Variants in QTGAL observed in about 807,000 individuals in gnomAD.
QTGAL encodes the protein BGnT-like protein 1.
chr17:83,045,838 G>A, the QTGAL span, among the ~76,000 whole-genome samples: 6,216 of 145,026 alleles, frequency 0.043, 350 homozygotes, highest in African/African-American at 0.12. Flanking sequence ...TTTTTGAGAC[G>A]GAGTTTTGCT....
the QTGAL span, chr17:82,965,677 C>T: frequency 7.4e-6 from 12 of 1,611,400 alleles, no homozygotes; most frequent in South Asian, 4.4e-5. Context: ...AAGGGGCCCA[C>T]GTGGGAGAAC....
the QTGAL span, chr17:83,048,953 C>A: frequency 1.6e-6 from 1 of 628,474 alleles, no homozygotes; most frequent in Non-Finnish European, 2.8e-6. Context: ...TACGTCTTAG[C>A]TTTCCCTGAA....
chr17:82,971,328 C>T, the QTGAL span, among the ~76,000 whole-genome samples: 7 of 152,332 alleles, frequency 4.6e-5, no homozygotes, highest in South Asian at 6.2e-4. Flanking sequence ...AGCAGGGACA[C>T]GGGCTCCGCC....
the QTGAL span, chr17:82,945,231 C>T: frequency 6.6e-6 from 1 of 152,192 alleles, no homozygotes. Flanking sequence ...ACTGGAAGAT[C>T]TGAAAACATT....
At chr17:83,048,015 CCTCTCTTTCTCT>C in the QTGAL span, among the ~76,000 whole-genome samples, 151 of 143,646 alleles carry the variant, frequency 1.1e-3, no homozygotes, top group African/African-American at 3.6e-3. Context: ...TTCCTTCCTT[CCTCTCTTTCTCT>C]CTCTCTTTCT....
the QTGAL span, among the ~76,000 whole-genome samples, chr17:83,021,262 T>C: frequency 6.6e-6 from 1 of 152,102 alleles, no homozygotes; most frequent in South Asian, 2.1e-4. Flanking sequence ...AAGATTGGAA[T>C]AGACATTGGA....
At chr17:82,947,017 C>T in the QTGAL span, 170 of 1,545,034 alleles carry the variant, frequency 1.1e-4, no homozygotes, top group African/African-American at 2.0e-3. Context: ...TCAGTCCGGT[C>T]TCCTGGCTCT....
the QTGAL span, chr17:82,961,047 G>A: frequency 3.1e-6 from 5 of 1,606,410 alleles, no homozygotes; most frequent in African/African-American, 1.3e-5. Flanking sequence ...GCCGGGCGGG[G>A]CTGACTCACT....
chr17:82,980,342 T>C, the QTGAL span, among the ~76,000 whole-genome samples: 344 of 152,274 alleles, frequency 2.3e-3, 1 homozygote, highest in Middle Eastern at 0.017. Context: ...CTGTTCTCCA[T>C]ACACCAAGCA....
At chr17:83,031,148 C>T in the QTGAL span, among the ~76,000 whole-genome samples, 1,202 of 152,332 alleles carry the variant, frequency 7.9e-3, 13 homozygotes, top group African/African-American at 0.027. Context: ...CACAGACAAC[C>T]GAGACGAGAA....
the QTGAL span, among the ~76,000 whole-genome samples, chr17:82,964,024 A>AGGT: frequency 2.5e-5 from 3 of 118,546 alleles, no homozygotes; most frequent in East Asian, 2.4e-4. Flanking sequence ...TGGAAGGCTG[A>AGGT]GGTCGGGGGG....
At chr17:83,048,415 G>T in the QTGAL span, 1 of 1,437,512 alleles carries the variant, frequency 7.0e-7, no homozygotes, top group Non-Finnish European at 9.8e-7. Context: ...GTTTCGGTAC[G>T]TAAGTTGATA....
chr17:83,022,331 G>C, the QTGAL span, among the ~76,000 whole-genome samples: 6,464 of 78,540 alleles, frequency 0.082, 26 homozygotes, highest in Admixed American at 0.11. Flanking sequence ...ACTGTCCCCG[G>C]CCCACCTGCA....
At chr17:83,032,105 TCCGACCCAGACCGAGCTCGGGAG>T in the QTGAL span, among the ~76,000 whole-genome samples, 2 of 141,556 alleles carry the variant, frequency 1.4e-5, no homozygotes, top group African/African-American at 5.5e-5. Flanking sequence ...AGGCCAGGCC[TCCGACCCAGACCGAGCTCGGGAG>T]CTGAACAACG....
At chr17:82,942,619 T>C in the QTGAL span, 6 of 923,908 alleles carry the variant, frequency 6.5e-6, no homozygotes, top group African/African-American at 8.3e-5. Context: ...TTTTCCTCTC[T>C]GCACCTGCGC....
chr17:83,019,725 C>A, the QTGAL span, among the ~76,000 whole-genome samples: 1 of 152,160 alleles, frequency 6.6e-6, no homozygotes, highest in Non-Finnish European at 1.5e-5. Flanking sequence ...CAAACTTGAA[C>A]AATAGAACTT....
chr17:83,005,975 A>C, the QTGAL span: 1 of 1,124,600 alleles, frequency 8.9e-7, no homozygotes, highest in South Asian at 3.3e-5. The surrounding 1 kb of genome is among the most constrained non-coding windows in gnomAD (Gnocchi z 5.6). Flanking sequence ...CAGGGCTCAC[A>C]CTCACCTTGC....
chr17:83,050,980 C>T, the QTGAL span, among the ~76,000 whole-genome samples: 1 of 148,472 alleles, frequency 6.7e-6, no homozygotes, highest in Admixed American at 6.7e-5. Flanking sequence ...TGTGTGACGG[C>T]AGACGTGTGG....
chr17:83,008,809 C>A, the QTGAL span, among the ~76,000 whole-genome samples: 2 of 151,848 alleles, frequency 1.3e-5, no homozygotes, highest in Non-Finnish European at 2.9e-5. Context: ...AGCCAGGATC[C>A]CTGCCGCCGA....
Sources: allele counts gnomAD v4.1 joint callset (sites outside exome capture counted in the v4.1 genomes callset), GRCh38; gene constraint gnomAD v4.1.1; non-coding constraint Gnocchi (gnomAD v3.1); transcripts MANE v1.5; gene names NCBI Gene and HGNC (gene_info 2026-07-23, HGNC 2026-07-21).